The following LRRTM4 variants were observed in gnomAD, a reference collection of about 807,000 sequenced individuals.
LRRTM4 encodes leucine-rich repeat transmembrane neuronal protein 4.
LRRTM4 carries 25 observed loss-of-function variants against 47.6 expected under a neutral mutation model. The ratio of observed to expected loss-of-function variants is 0.53; its 90% CI spans 0.38 to 0.73. The LOEUF (loss-of-function observed/expected upper bound fraction) is 0.73, where lower values mean the gene tolerates loss of function less well. LRRTM4 is among the 30% of genes least tolerant of loss of function. LRRTM4 has a pLI of 0.00. For missense variants in LRRTM4, 638 were observed against 713.4 expected, an observed-to-expected ratio of 0.89 and a Z score of 1.20; for synonymous variants, 311 against 269.5, an observed-to-expected ratio of 1.15 and a Z score of -1.51.
chr2:77,060,076 G>A (rs1243340526), intron 3 of LRRTM4, among the ~76,000 whole-genome samples: 2 of 152,204 alleles, frequency 1.3e-5, no homozygotes. Flanking sequence ...CGAACTAAGA[G>A]TGTTTTTCAT....
At chr2:77,431,334 G>T (rs1675369565) in intron 3 of LRRTM4, among the ~76,000 whole-genome samples, 1 of 148,690 alleles carries the variant, frequency 6.7e-6, no homozygotes, top group Non-Finnish European at 1.5e-5. Context: ...GCTTCCCAAA[G>T]CCTCTGTTAT....
chr2:77,140,196 G>T (rs536310697), intron 3 of LRRTM4, among the ~76,000 whole-genome samples: 1 of 152,270 alleles, frequency 6.6e-6, no homozygotes, highest in South Asian at 2.1e-4. Context: ...AACAAAGCTG[G>T]AGGCATCATG....
At chr2:77,376,804 A>G (rs2103782684) in intron 3 of LRRTM4, among the ~76,000 whole-genome samples, 1 of 151,950 alleles carries the variant, frequency 6.6e-6, no homozygotes, top group South Asian at 2.1e-4. Flanking sequence ...TCTTCACTGT[A>G]AAGCTATTTT....
intron 3 of LRRTM4, among the ~76,000 whole-genome samples, chr2:77,354,544 C>T (rs2104302346): frequency 6.6e-6 from 1 of 152,122 alleles, no homozygotes; most frequent in South Asian, 2.1e-4. Context: ...TGAAACCAGT[C>T]ATCATGGGCA....
At chr2:76,883,181 C>A (rs1179536553) in intron 3 of LRRTM4, among the ~76,000 whole-genome samples, 6 of 152,176 alleles carry the variant, frequency 3.9e-5, no homozygotes. Context: ...CCCAGCATCA[C>A]CTCTCCTGTG....
intron 3 of LRRTM4, among the ~76,000 whole-genome samples, chr2:77,132,566 A>C (rs964475464): frequency 7.9e-5 from 12 of 152,204 alleles, no homozygotes; most frequent in Admixed American, 2.6e-4. Flanking sequence ...GTGTTTGGTG[A>C]GGACCCAGTC....
intron 3 of LRRTM4, among the ~76,000 whole-genome samples, chr2:77,430,846 C>T (rs1243329878): frequency 6.8e-6 from 1 of 147,692 alleles, no homozygotes; most frequent in Non-Finnish European, 1.5e-5. Context: ...AGTTGGGGGA[C>T]TGAGTGGGGG....
chr2:76,874,448 C>T lies in LRRTM4; in HGVS notation c.1552-125532G>A, dbSNP rs117201292. 8.6e-5 allele frequency among the ~76,000 whole-genome samples: 13 copies of T among 151,880 alleles called. No homozygotes were observed. In the East Asian group the frequency reaches 1.5e-3, roughly 18 times the overall value. On this transcript the variant is annotated intron_variant, in intron 3 of 3. Coordinates refer to ENST00000409884, the MANE Select transcript of LRRTM4 (RefSeq NM_001134745.3). The stretch of plus-strand genomic sequence containing the variant: ...ACACAGAGCTAGCCATGTAATAAAG[C>T]GGAAATATTCAGTAATTGAATAACT...
intron 3 of LRRTM4, among the ~76,000 whole-genome samples, chr2:76,864,911 T>A (rs919225291): frequency 5.9e-5 from 9 of 151,292 alleles, no homozygotes; most frequent in Non-Finnish European, 1.2e-4. Flanking sequence ...TTTTTTTAAT[T>A]TTTTTTATAG....
intron 3 of LRRTM4, among the ~76,000 whole-genome samples, chr2:77,261,574 T>A (rs1675920210): frequency 6.6e-6 from 1 of 152,098 alleles, no homozygotes; most frequent in Non-Finnish European, 1.5e-5. Context: ...CTTTATTATT[T>A]TTTTTAATTG....
At chr2:76,788,859 G>A (rs199881965) in intron 3 of LRRTM4, among the ~76,000 whole-genome samples, 1 of 130,818 alleles carries the variant, frequency 7.6e-6, no homozygotes, top group Non-Finnish European at 1.7e-5. Context: ...AAATGTTTTT[G>A]TGTCTATGGG....
chr2:77,418,332 A>G (rs1372565986), intron 3 of LRRTM4, among the ~76,000 whole-genome samples: 1 of 152,178 alleles, frequency 6.6e-6, no homozygotes, highest in Non-Finnish European at 1.5e-5. Flanking sequence ...GTCCATTTCA[A>G]TTTTTGAAGA....
intron 3 of LRRTM4, among the ~76,000 whole-genome samples, chr2:76,868,706 A>G (rs1672534693): frequency 1.3e-5 from 2 of 152,190 alleles, no homozygotes; most frequent in Admixed American, 6.5e-5. Flanking sequence ...AATAGGTAAC[A>G]TGCCGGAGGA....
intron 3 of LRRTM4, among the ~76,000 whole-genome samples, chr2:77,006,912 G>C (rs1677673687): frequency 6.6e-6 from 1 of 152,080 alleles, no homozygotes; most frequent in South Asian, 2.1e-4. Flanking sequence ...TACCAAATGT[G>C]TCTCTAGCCA....
intron 3 of LRRTM4, among the ~76,000 whole-genome samples, chr2:76,958,455 T>G (rs543113494): frequency 6.6e-6 from 1 of 151,808 alleles, no homozygotes. Flanking sequence ...TACGCTGATA[T>G]TGCTGAATGT....
At chr2:76,953,465 A>G (rs1442800816) in intron 3 of LRRTM4, among the ~76,000 whole-genome samples, 2 of 151,918 alleles carry the variant, frequency 1.3e-5, no homozygotes, top group African/African-American at 4.8e-5. Flanking sequence ...AATTGGTAGG[A>G]AAACACACGC....
intron 3 of LRRTM4, among the ~76,000 whole-genome samples, chr2:77,083,800 T>TG (rs1558569822): frequency 5.8e-5 from 6 of 102,570 alleles, no homozygotes; most frequent in East Asian, 2.6e-4. Flanking sequence ...TTTTTTTTTT[T>TG]TTTTTTTTTT....
chr2:76,755,705 G>C (rs547729107), intron 3 of LRRTM4, among the ~76,000 whole-genome samples: 1 of 152,250 alleles, frequency 6.6e-6, no homozygotes, highest in African/African-American at 2.4e-5. Context: ...ATGAGAGAGA[G>C]CACTGGAGTT....
intron 3 of LRRTM4, among the ~76,000 whole-genome samples, chr2:76,800,988 G>T (rs1234261054): frequency 1.3e-5 from 2 of 148,278 alleles, no homozygotes; most frequent in African/African-American, 5.0e-5. Flanking sequence ...AGTTAGAATG[G>T]CAATCATTAA....
Sources: allele counts gnomAD v4.1 joint callset (sites outside exome capture counted in the v4.1 genomes callset), GRCh38; gene constraint gnomAD v4.1.1; transcripts MANE v1.5; gene names NCBI Gene and HGNC (gene_info 2026-07-23, HGNC 2026-07-21).